KDM5C: variants seen among roughly 807,000 people sequenced by gnomAD.
KDM5C encodes lysine demethylase 5C.
In KDM5C, 16 loss-of-function variants were observed where a neutral mutation model predicts 110.6. The observed-to-expected ratio is 0.14, with a 90% CI of 0.10 to 0.22. The LOEUF (loss-of-function observed/expected upper bound fraction) is 0.22. Ranked by LOEUF, KDM5C falls within the 10% of genes least tolerant of loss-of-function variation. The pLI, the probability that KDM5C is intolerant of heterozygous loss-of-function variation, is 1.00. For missense variants in KDM5C, 681 were observed against 1,300.9 expected (o/e 0.52, Z 7.33); for synonymous variants, 511 against 520.4 (o/e 0.98, Z 0.24).
intron 8 of KDM5C, chrX:53,212,271 T>G: frequency 5.3e-6 from 1 of 190,081 alleles, no homozygotes; most frequent in Non-Finnish European, 9.7e-6. Context: ...TGTGTTCTTC[T>G]GCCACCATTT....
chrX:53,199,223 C>A lies in KDM5C; in HGVS notation c.2062-65G>T, dbSNP rs2073065073. 3.8e-6 allele frequency: 4 copies of A among 1,053,361 alleles called. No homozygotes were observed. In the South Asian group the frequency reaches 7.5e-5, roughly 20 times the overall value. The allele number at this position is 1,053,361 out of a possible 1,213,427, so 86.8% of individuals were successfully genotyped here. A position where few individuals can be genotyped will look rare whatever the true frequency, so the allele number is the denominator to read the frequency against. ...CAGGTAGCAAAATCCTCCATCTCAG[C>A]CACCACCGACCCCTACTTTAGATTC... On this transcript the variant is annotated intron_variant, in intron 14 of 25. Coordinates refer to ENST00000375401, the MANE Select transcript of KDM5C (RefSeq NM_004187.5).
intron 4 of KDM5C, 78 bp from the exon 5 acceptor site, chrX:53,217,355 A>G: frequency 8.9e-7 from 1 of 1,126,339 alleles, no homozygotes; most frequent in Non-Finnish European, 1.2e-6. Context: ...ACCCTCACCC[A>G]ATGGCATCCA....
At position 53,201,451 on chromosome X, in the gene KDM5C, A is replaced by C. The variant is rs1255510540; in HGVS notation, c.2061+99T>G. 5 of 820,705 alleles carry C rather than the reference A, an allele frequency of 6.1e-6. No homozygotes were observed. In the African/African-American group the frequency reaches 8.0e-5, roughly 13 times the overall value. 67.6% of individuals were successfully genotyped at this position (820,705 alleles called of 1,213,427 possible). ...AATCGAGATGCATCTAGTTCTTTTC[A>C]CTATACGCCAAGAGTAGAGGCTACA... is the stretch of plus-strand genomic sequence containing the variant. On this transcript the variant is annotated intron_variant, in intron 14 of 25. Coordinates refer to ENST00000375401, the MANE Select transcript of KDM5C (RefSeq NM_004187.5).
chrX:53,198,528 C>G lies in KDM5C; in HGVS notation c.2478G>C (p.Val826=), dbSNP rs1556839431. The part of the protein sequence containing the change: ...KNCLSEAEAC[V]SRALGLVSGQ... ...CGCTGACCAGTCCCAGAGCTCGGGACACGCAAGCCTCTGCCTCACTCAGGC... is the reference window on the plus strand; with the variant it reads ...CGCTGACCAGTCCCAGAGCTCGGGAGACGCAAGCCTCTGCCTCACTCAGGC... The change falls in exon 17 of 26, where the codon GTG becomes GTC. Residue 826 remains valine (V), a synonymous_variant. Coordinates refer to ENST00000375401, the MANE Select transcript of KDM5C (RefSeq NM_004187.5). 1 of 1,206,337 alleles carries G rather than the reference C, an allele frequency of 8.3e-7. No homozygotes were observed. The highest frequency in any genetic ancestry group is 1.8e-5 in the South Asian group (1 of 56,100).
Position 53,217,287 on chromosome X carries a change from G to GGCAGT in KDM5C, c.523-11_523-10insACTGC, listed in dbSNP as rs1465756920. On this transcript the variant is annotated splice_polypyrimidine_tract_variant and intron_variant, in intron 4 of 25. Transcript: ENST00000375401. ...GACGTGTGTTACACTGCTGGGGACA[G>GGCAGT]GTAAGGGGTAAGGGTCAGGACATGG... 8.3e-7 allele frequency: 1 copy of GGCAGT among 1,209,901 alleles called. No individual in the cohort carries two copies. The highest frequency in any genetic ancestry group is 1.1e-6 in the Non-Finnish European group (1 of 894,598).
chrX:53,181,793 C>CTT (rs781919129), intron 25 of KDM5C, among the ~76,000 whole-genome samples: 20 of 101,424 alleles, frequency 2.0e-4, no homozygotes, highest in African/African-American at 7.1e-4. Context: ...TTGGGCCAAA[C>CTT]TTTTTTTTTT....
chrX:53,213,536 T>C (rs146319621), intron 8 of KDM5C, among the ~76,000 whole-genome samples: 7,234 of 111,286 alleles, frequency 0.065, 567 homozygotes, highest in African/African-American at 0.22. Context: ...ACTTCCTGGC[T>C]GCTTGGCCCT....
chrX:53,215,220 C>T (rs1556851159), intron 7 of KDM5C: 1 of 371,926 alleles, frequency 2.7e-6, no homozygotes, highest in Non-Finnish European at 5.1e-6. Context: ...AGGAAGCACT[C>T]AAAGCAGCTG....
chrX:53,187,649 A>G (rs981200617), downstream of KDM5C, among the ~76,000 whole-genome samples: 2 of 111,835 alleles, frequency 1.8e-5, no homozygotes, highest in African/African-American at 6.5e-5. Context: ...TCATGCCTGT[A>G]ATCCCAGCAC....
chrX:53,203,358 T>C (rs1447165094), intron 12 of KDM5C, among the ~76,000 whole-genome samples: 2 of 111,780 alleles, frequency 1.8e-5, no homozygotes, highest in Non-Finnish European at 3.8e-5. Context: ...GGTAGGCCCA[T>C]TGACTCTGGA....
At position 53,224,980 on chromosome X, in the gene KDM5C, T is replaced by C. The variant is rs2146979630; in HGVS notation, c.-91A>G. ...CCGCTGTTTGAAGCCGAGGCAATGC[T>C]CGGAGGCTAGGCCCTAAGCGGGGCA... On this transcript the variant is annotated 5_prime_UTR_variant, in exon 1 of 26. Coordinates refer to ENST00000375401, the MANE Select transcript of KDM5C (RefSeq NM_004187.5). The C allele has an allele frequency of 1.9e-6, 2 of 1,052,987 alleles. No homozygotes were observed. Among genetic ancestry groups the C allele is most frequent in the Non-Finnish European group, 1.3e-6 (1 of 798,839 alleles). 86.8% of individuals were successfully genotyped at this position (1,052,987 alleles called of 1,213,427 possible).
chrX:53,202,618 G>C (rs1357490066), intron 12 of KDM5C: 1 of 112,285 alleles, frequency 8.9e-6, no homozygotes, highest in Non-Finnish European at 1.9e-5. Flanking sequence ...GTCCTCCCTG[G>C]ATCATCACTC....
chrX:53,203,852 G>T (rs5978143), intron 12 of KDM5C, among the ~76,000 whole-genome samples: 7 of 107,087 alleles, frequency 6.5e-5, no homozygotes, highest in African/African-American at 2.4e-4. Context: ...CTGCAACCTC[G>T]GCCTCCCGGG....
At position 53,196,881 on chromosome X, in the gene KDM5C, C is replaced by T. The variant is rs782148639; in HGVS notation, c.2786G>A (p.Arg929Gln). 1 of 1,201,392 alleles carries T rather than the reference C, an allele frequency of 8.3e-7. No homozygotes were observed. Among genetic ancestry groups the T allele is most frequent in the Non-Finnish European group, 1.1e-6 (1 of 890,098 alleles). Reference protein sequence around the residue: ...QQLQRQVEQARWLDEVKRTLA... With the variant: ...QQLQRQVEQAQWLDEVKRTLA... Reference sequence around the variant, plus strand: ...TGTGCGTTTCACCTCATCCAGCCATCGCGCCTGTTCCACCTGCCGCTGGAG... The same window carrying T: ...TGTGCGTTTCACCTCATCCAGCCATTGCGCCTGTTCCACCTGCCGCTGGAG... The change falls in exon 19 of 26, where the codon CGA (arginine) becomes CAA (glutamine). Residue 929 changes from arginine to glutamine, a missense_variant. Arg to Gln is a conservative substitution (Grantham distance 43). This residue lies in a region of KDM5C where 123 missense variants were observed against 169.0 expected (regional missense o/e 0.73). Coordinates refer to ENST00000375401, the MANE Select transcript of KDM5C (RefSeq NM_004187.5).
At position 53,181,675 on chromosome X, in the gene KDM5C, C is replaced by CA. The variant is rs60649092; in HGVS notation, c.4309-5054dup. On this transcript the variant is annotated intron_variant, in intron 25 of 25. Coordinates refer to the KDM5C transcript ENST00000685641. ...TGGGTGACAGAGTGAGACCATGTCT[C>CA]AAAAAAAAAAAAAAAAAAAAAAAAG... 4.5e-3 allele frequency among the ~76,000 whole-genome samples: 239 copies of CA among 52,587 alleles called. 6 individuals carry two copies. The East Asian group carries it at 0.061, about 14-fold the overall frequency. 45.7% of individuals were successfully genotyped at this position (52,587 alleles called of 115,157 possible).
In KDM5C at chrX:53,192,841, G is replaced by T; in HGVS notation, c.*126C>A. ...ACAAAAGTCAAGGGACTCAGGGGTG[G>T]GCGGGTAGCAGGGATGGCCACCCCC... On this transcript the variant is annotated 3_prime_UTR_variant, in exon 26 of 26. Coordinates refer to ENST00000375401, the MANE Select transcript of KDM5C (RefSeq NM_004187.5). 1 of 1,080,281 alleles carries T rather than the reference G, an allele frequency of 9.3e-7. No individual in the cohort carries two copies. The highest frequency in any genetic ancestry group is 2.1e-5 in the South Asian group (1 of 46,955). 89.0% of individuals were successfully genotyped at this position (1,080,281 alleles called of 1,213,427 possible).
Position 53,196,667 on chromosome X carries a change from A to AAGC in KDM5C, c.2981+16_2981+18dup. 1.7e-6 allele frequency: 2 copies of AAGC among 1,175,415 alleles called. No individual in the cohort carries two copies. The highest frequency in any genetic ancestry group is 3.6e-5 in the South Asian group (2 of 55,956). On this transcript the variant is annotated intron_variant, in intron 19 of 25. Coordinates refer to ENST00000375401, the MANE Select transcript of KDM5C (RefSeq NM_004187.5). Reference sequence around the variant, plus strand: ...ATGTTTGGAATAGGGCAGGGAAGGGAAGCAGCAGCTGGACCTACCTGGCCT... The same window carrying AAGC: ...ATGTTTGGAATAGGGCAGGGAAGGGAAGCAGCAGCAGCTGGACCTACCTGGCCT...
chrX:53,199,045 T>C lies in KDM5C; in HGVS notation c.2175A>G (p.Pro725=), dbSNP rs1187743987. The C allele has an allele frequency of 1.6e-6, 2 of 1,212,240 alleles. No individual in the cohort carries two copies. Among genetic ancestry groups the C allele is most frequent in the Non-Finnish European group, 2.2e-6 (2 of 895,605 alleles). ...FLSALACYDC[P]DGLVCLSHIN... Reference sequence around the variant, plus strand: ...TGTGGGAAAGGCAGACAAGGCCGTCTGGGCAGTCGTAGCAGGCCAGGGCTG... The same window carrying C: ...TGTGGGAAAGGCAGACAAGGCCGTCCGGGCAGTCGTAGCAGGCCAGGGCTG... Residue 725 remains proline (P), a synonymous_variant, in exon 15 of 26, where the codon CCA becomes CCG. Coordinates refer to ENST00000375401, the MANE Select transcript of KDM5C (RefSeq NM_004187.5).
At position 53,193,146 on chromosome X, in the gene KDM5C, T is replaced by C; in HGVS notation, c.4504A>G (p.Thr1502Ala). 1 of 1,210,264 alleles carries C rather than the reference T, an allele frequency of 8.3e-7. No homozygotes were observed. ...GGTGCAGGGGGGCCCTCACCCCCAG[T>C]CTCCTCCTCCAGCTCTTCCTCCTCC... Reference protein sequence around the residue: ...VQEEEELEEETGGEGPPAPIP... With the variant: ...VQEEEELEEEAGGEGPPAPIP... The change falls in exon 26 of 26, where the codon ACT (threonine) becomes GCT (alanine). Residue 1502 changes from threonine (T) to alanine (A), a missense_variant. Physicochemically the swap from Thr to Ala is moderately conservative, Grantham distance 58. Coordinates refer to ENST00000375401, the MANE Select transcript of KDM5C (RefSeq NM_004187.5).
Sources: gnomAD v4.1 joint callset for allele counts (sites outside exome capture counted in the v4.1 genomes callset) on GRCh38, gnomAD v4.1.1 for gene constraint, gnomAD v4.1.1 regional missense constraint, MANE v1.5 for transcripts, NCBI Gene and HGNC (gene_info 2026-07-23, HGNC 2026-07-21) for gene names.